The following TBC1D22A variants were observed in gnomAD, a reference collection of about 807,000 sequenced individuals.
The protein encoded by TBC1D22A is TBC1 domain family member 22A.
A neutral mutation model predicts 60.2 loss-of-function variants in TBC1D22A; 38 were observed. That is an observed-to-expected ratio of 0.63 (90% CI 0.49 to 0.83). The LOEUF (loss-of-function observed/expected upper bound fraction) is 0.83. TBC1D22A is among the 40% of genes least tolerant of loss of function. The pLI, the probability that TBC1D22A is intolerant of heterozygous loss-of-function variation, is 0.00. For missense variants in TBC1D22A, 628 were observed against 701.0 expected, an observed-to-expected ratio of 0.90 and a Z score of 1.18; for synonymous variants, 302 against 281.7, an observed-to-expected ratio of 1.07 and a Z score of -0.72.
rs545271143 is a variant in TBC1D22A at position 47,016,940 on chromosome 22, C to T, written c.1201+19231C>T. Among the ~76,000 whole-genome samples the T allele has an allele frequency of 3.3e-5, 5 of 152,366 alleles. No homozygotes were observed. In the East Asian group the frequency reaches 9.6e-4, roughly 29 times the overall value. ...TCCCACTGCTCTCAGGTTTGACGCA[C>T]CTGTCCCAGTGTCCGCTGATGGTTT... On this transcript the variant is annotated intron_variant, in intron 10 of 12. Coordinates refer to ENST00000337137, the MANE Select transcript of TBC1D22A (RefSeq NM_014346.5).
chr22:46,989,861 G>C (rs1481181956), intron 9 of TBC1D22A, among the ~76,000 whole-genome samples: 1 of 151,948 alleles, frequency 6.6e-6, no homozygotes, highest in African/African-American at 2.4e-5. Context: ...GGAGTGCAGT[G>C]ATGCGATCTC....
At chr22:46,764,940 A>G (rs552158605) in intron 1 of TBC1D22A, among the ~76,000 whole-genome samples, 2 of 152,328 alleles carry the variant, frequency 1.3e-5, no homozygotes, top group Admixed American at 1.3e-4. Context: ...CTGTTGTGTT[A>G]AGCCATTCAG....
At chr22:47,134,906 C>T (rs2066806420) in intron 12 of TBC1D22A, among the ~76,000 whole-genome samples, 1 of 152,176 alleles carries the variant, frequency 6.6e-6, no homozygotes, top group Admixed American at 6.5e-5. Flanking sequence ...ACAGAGTTTC[C>T]CTGCCCAGCT....
At chr22:46,841,032 T>C (rs2147216296) in intron 4 of TBC1D22A, among the ~76,000 whole-genome samples, 1 of 139,794 alleles carries the variant, frequency 7.2e-6, no homozygotes, top group East Asian at 2.1e-4. Context: ...GATGAATGAA[T>C]GAGTAATGAA....
chr22:47,085,607 A>G (rs2064651028), intron 11 of TBC1D22A, among the ~76,000 whole-genome samples: 1 of 152,236 alleles, frequency 6.6e-6, no homozygotes, highest in South Asian at 2.1e-4. Flanking sequence ...AAATTGCATT[A>G]AGTTAATTAC....
In TBC1D22A at chr22:46,762,713, G is replaced by A. The variant is rs565619802; in HGVS notation, c.-74G>A. The A allele has an allele frequency of 4.3e-4, 578 of 1,336,174 alleles. No homozygotes were observed. The highest frequency in any genetic ancestry group is 5.5e-4 in the Non-Finnish European group (564 of 1,028,018). 82.8% of individuals were successfully genotyped at this position (1,336,174 alleles called of 1,614,324 possible). A position where few individuals can be genotyped will look rare whatever the true frequency, so the allele number is the denominator to read the frequency against. On this transcript the variant is annotated 5_prime_UTR_variant, in exon 1 of 13. Transcript: ENST00000337137. ...GCAGTGAGGGGCCACCCGGGGCACAGGAAAGGGCCGCTAGGGGAGGGCCGG... is the reference window on the plus strand; with the variant it reads ...GCAGTGAGGGGCCACCCGGGGCACAAGAAAGGGCCGCTAGGGGAGGGCCGG...
chr22:47,029,592 G>A (rs897655226), intron 10 of TBC1D22A, among the ~76,000 whole-genome samples: 2 of 152,188 alleles, frequency 1.3e-5, no homozygotes, highest in Non-Finnish European at 1.5e-5. Context: ...GCTGCTGCCC[G>A]AAGGAGAAGA....
intron 11 of TBC1D22A, among the ~76,000 whole-genome samples, chr22:47,099,728 A>C (rs1490763656): frequency 2.0e-5 from 3 of 152,118 alleles, no homozygotes; most frequent in Non-Finnish European, 2.9e-5. Flanking sequence ...TACAGGCGTG[A>C]GCTACCGCAC....
intron 9 of TBC1D22A, among the ~76,000 whole-genome samples, chr22:46,993,646 G>A (rs2075022373): frequency 6.6e-6 from 1 of 152,220 alleles, no homozygotes; most frequent in African/African-American, 2.4e-5. Flanking sequence ...AGCAGACAGA[G>A]CCTGTGATCT....
intron 10 of TBC1D22A, among the ~76,000 whole-genome samples, chr22:47,008,184 C>T (rs2061647847): frequency 6.6e-6 from 1 of 152,234 alleles, no homozygotes; most frequent in African/African-American, 2.4e-5. Context: ...TAAGGACTTA[C>T]TCCAGAATGC....
intron 11 of TBC1D22A, among the ~76,000 whole-genome samples, chr22:47,090,349 G>T (rs1054859212): frequency 6.7e-6 from 1 of 148,364 alleles, no homozygotes; most frequent in African/African-American, 2.5e-5. Flanking sequence ...CAGACGGGGC[G>T]TCTTGGAGGT....
At chr22:46,765,249 C>T (rs1281429115) in intron 1 of TBC1D22A, among the ~76,000 whole-genome samples, 1 of 152,178 alleles carries the variant, frequency 6.6e-6, no homozygotes, top group Non-Finnish European at 1.5e-5. Flanking sequence ...CAGTGCTGCT[C>T]TTTCAGGTGG....
At chr22:46,898,543 T>A (rs201354009) in intron 7 of TBC1D22A, among the ~76,000 whole-genome samples, 7 of 148,738 alleles carry the variant, frequency 4.7e-5, no homozygotes, top group East Asian at 2.0e-4. Flanking sequence ...ATTTTTTTTT[T>A]AACCTAAAAC....
At chr22:46,969,328 G>C (rs1036426246) in intron 8 of TBC1D22A, among the ~76,000 whole-genome samples, 1 of 152,160 alleles carries the variant, frequency 6.6e-6, no homozygotes, top group African/African-American at 2.4e-5. Flanking sequence ...CACCTTGCAG[G>C]AGTGTTCAGA....
intron 11 of TBC1D22A, among the ~76,000 whole-genome samples, chr22:47,099,900 C>G (rs1001930622): frequency 6.6e-6 from 1 of 152,188 alleles, no homozygotes; most frequent in Admixed American, 6.5e-5. Flanking sequence ...AACGTGCTGA[C>G]CTTCAGAGCC....
intron 11 of TBC1D22A, among the ~76,000 whole-genome samples, chr22:47,049,928 G>A (rs2063155263): frequency 6.6e-6 from 1 of 152,244 alleles, no homozygotes; most frequent in African/African-American, 2.4e-5. Context: ...CCTGTGTTTG[G>A]GGAACTTGGT....
intron 12 of TBC1D22A, among the ~76,000 whole-genome samples, chr22:47,153,816 G>T (rs907732834): frequency 6.6e-6 from 1 of 152,208 alleles, no homozygotes; most frequent in African/African-American, 2.4e-5. Context: ...GCCGAGTGCT[G>T]TCGCCAGAGA....
At chr22:47,169,618 G>T (rs1569481690) in intron 12 of TBC1D22A, among the ~76,000 whole-genome samples, 1 of 152,160 alleles carries the variant, frequency 6.6e-6, no homozygotes, top group Non-Finnish European at 1.5e-5. Context: ...CCACTGGAAG[G>T]ATTCTCGGCA....
At chr22:47,124,225 G>A (rs1381004484) in intron 12 of TBC1D22A, among the ~76,000 whole-genome samples, 1 of 152,230 alleles carries the variant, frequency 6.6e-6, no homozygotes, top group African/African-American at 2.4e-5. Context: ...AGCAAGAACT[G>A]CAGGGTAAAT....
Sources: gnomAD v4.1 joint callset for allele counts (sites outside exome capture counted in the v4.1 genomes callset) on GRCh38, gnomAD v4.1.1 for gene constraint, MANE v1.5 for transcripts, NCBI Gene and HGNC (gene_info 2026-07-23, HGNC 2026-07-21) for gene names.